Variants in SYCP2L observed in about 807,000 individuals in gnomAD.
SYCP2L encodes synaptonemal complex protein 2 like.
A neutral mutation model predicts 125.8 loss-of-function variants in SYCP2L; 98 were observed. The ratio of observed to expected loss-of-function variants is 0.78; its 90% CI spans 0.66 to 0.92. The LOEUF (loss-of-function observed/expected upper bound fraction) is 0.92. Ranked by LOEUF, SYCP2L falls within the 40% of genes least tolerant of loss-of-function variation. The probability of loss-of-function intolerance (pLI) is 0.00; values close to 1 mark genes in which losing one functional copy is unlikely to be tolerated. For missense variants in SYCP2L, 842 were observed against 936.4 expected, an observed-to-expected ratio of 0.90 and a Z score of 1.32; for synonymous variants, 317 against 325.4, an observed-to-expected ratio of 0.97 and a Z score of 0.28.
At chr6:10,916,832 A>G (rs555515822) in intron 14 of SYCP2L, among the ~76,000 whole-genome samples, 1 of 152,170 alleles carries the variant, frequency 6.6e-6, no homozygotes, top group Non-Finnish European at 1.5e-5. Context: ...TCTACTAAAA[A>G]TACAAAAAAA....
At chr6:10,896,098 A>G (rs1780253752) in intron 4 of SYCP2L, among the ~76,000 whole-genome samples, 1 of 152,180 alleles carries the variant, frequency 6.6e-6, no homozygotes. Flanking sequence ...GTGAGCCAAG[A>G]TGGTGTCACT....
intron 28 of SYCP2L, among the ~76,000 whole-genome samples, chr6:10,961,946 A>G (rs1263373513): frequency 6.6e-6 from 1 of 152,110 alleles, no homozygotes; most frequent in African/African-American, 2.4e-5. Flanking sequence ...ATTCTATTTT[A>G]CTCATTTACA....
At chr6:10,887,246 CGGGTGCT>C in intron 1 of SYCP2L, 111 bp downstream of exon 1, 4 of 1,457,974 alleles carry the variant, frequency 2.7e-6, no homozygotes, top group Non-Finnish European at 3.8e-6. Flanking sequence ...GCTCAGAGAC[CGGGTGCT>C]GGGCATAGTC....
intron 23 of SYCP2L, among the ~76,000 whole-genome samples, chr6:10,945,316 G>A (rs1036510623): frequency 3.3e-5 from 5 of 152,134 alleles, no homozygotes; most frequent in Non-Finnish European, 7.4e-5. Context: ...TCTTAACTAT[G>A]TCCTTCAAAT....
chr6:10,907,496 C>T (rs1425277735), intron 9 of SYCP2L, 46 bp from the exon 10 acceptor site: 13 of 1,552,002 alleles, frequency 8.4e-6, no homozygotes, highest in Admixed American at 6.0e-5. Context: ...TTTTCTTTTG[C>T]TTTGTGCCCA....
intron 10 of SYCP2L, among the ~76,000 whole-genome samples, chr6:10,909,214 C>T (rs1336278240): frequency 3.3e-5 from 5 of 149,770 alleles, no homozygotes; most frequent in African/African-American, 7.5e-5. Flanking sequence ...CTGCAACCCC[C>T]GCCTCCTGGG....
At chr6:10,906,772 A>C (rs1780503376) in intron 9 of SYCP2L, among the ~76,000 whole-genome samples, 1 of 151,280 alleles carries the variant, frequency 6.6e-6, no homozygotes, top group African/African-American at 2.4e-5. Context: ...TAATTTTTGT[A>C]TTTTTAGTAG....
At chr6:10,893,619 A>G (rs1465245657) in intron 2 of SYCP2L, among the ~76,000 whole-genome samples, 1 of 152,106 alleles carries the variant, frequency 6.6e-6, no homozygotes, top group African/African-American at 2.4e-5. Flanking sequence ...GAGTGCTAAG[A>G]AGTCCCCAGG....
intron 4 of SYCP2L, among the ~76,000 whole-genome samples, chr6:10,897,302 A>G (rs1780273600): frequency 6.6e-6 from 1 of 152,156 alleles, no homozygotes; most frequent in African/African-American, 2.4e-5. Flanking sequence ...AATCAAGAAT[A>G]CTTCTGAGAA....
intron 15 of SYCP2L, among the ~76,000 whole-genome samples, chr6:10,925,598 A>G (rs963531902): frequency 2.9e-4 from 44 of 152,232 alleles, no homozygotes; most frequent in Non-Finnish European, 5.6e-4. Context: ...CTCAGAGACC[A>G]GATAAGGAAG....
intron 9 of SYCP2L, among the ~76,000 whole-genome samples, chr6:10,906,356 T>G (rs1780487662): frequency 6.6e-6 from 1 of 152,142 alleles, no homozygotes; most frequent in African/African-American, 2.4e-5. Context: ...TCCATGTTCC[T>G]CATCCCATTT....
Position 10,887,068 on chromosome 6 carries a change from G to A in SYCP2L, c.-59G>A. The stretch of plus-strand genomic sequence containing the variant: ...CTCTTGGGCGGGGAAGCAGGAGAGG[G>A]CCGACCGAGCGCAACAAAGCTGAGC... On this transcript the variant is annotated 5_prime_UTR_variant, in exon 1 of 30. Coordinates refer to ENST00000283141, the MANE Select transcript of SYCP2L (RefSeq NM_001040274.3). The A allele has an allele frequency of 6.2e-7, 1 of 1,612,396 alleles. No homozygotes were observed. Among genetic ancestry groups the A allele is most frequent in the Non-Finnish European group, 8.5e-7 (1 of 1,178,984 alleles).
At chr6:10,916,243 C>T (rs1268333190) in intron 14 of SYCP2L, among the ~76,000 whole-genome samples, 1 of 152,076 alleles carries the variant, frequency 6.6e-6, no homozygotes, top group East Asian at 1.9e-4. Flanking sequence ...CATGGTCTAT[C>T]AGTTTTATTT....
At chr6:10,926,971 G>A (rs960855672) in intron 16 of SYCP2L, among the ~76,000 whole-genome samples, 4 of 152,048 alleles carry the variant, frequency 2.6e-5, no homozygotes, top group African/African-American at 9.7e-5. Flanking sequence ...AGCAGAGACG[G>A]GATTTTGCCA....
chr6:10,961,506 T>TG lies in SYCP2L; in HGVS notation c.2367dup (p.Lys790GlufsTer5), dbSNP rs1272068821. The TG allele has an allele frequency of 6.2e-7, 1 of 1,614,140 alleles. No homozygotes were observed. The highest frequency in any genetic ancestry group is 1.7e-5 in the Admixed American group (1 of 60,026). On this transcript the variant is annotated frameshift_variant, in exon 28 of 30. Transcript: ENST00000283141. LOFTEE classifies it high-confidence loss of function. ...AACTTTTGTTCAATCTTAGGAATTC[T>TG]GGGGGAAACAGTCTGCTGATCTGCA...
At chr6:10,967,357 G>A (rs1209306572) in intron 29 of SYCP2L, among the ~76,000 whole-genome samples, 2 of 151,582 alleles carry the variant, frequency 1.3e-5, no homozygotes, top group African/African-American at 4.9e-5. Context: ...ATCCTGAGAA[G>A]AAAATTATAG....
Position 10,902,547 on chromosome 6 carries a change from C to T in SYCP2L, c.467-130C>T, listed in dbSNP as rs936964517. 4.2e-6 allele frequency: 3 copies of T among 713,156 alleles called. No homozygotes were observed. The African/African-American group carries it at 5.4e-5, about 13-fold the overall frequency. 44.2% of individuals were successfully genotyped at this position (713,156 alleles called of 1,614,324 possible). Reference sequence around the variant, plus strand: ...CAATGCAACAGGATTGTAAGAGGCACAGCCTGCAAAGTGGGTTATATTGTA... The same window carrying T: ...CAATGCAACAGGATTGTAAGAGGCATAGCCTGCAAAGTGGGTTATATTGTA... On this transcript the variant is annotated intron_variant, in intron 6 of 29. Transcript: ENST00000283141.
At chr6:10,942,267 C>T (rs1010509731) in intron 21 of SYCP2L, among the ~76,000 whole-genome samples, 192 bp from the exon 22 acceptor site, 6 of 152,132 alleles carry the variant, frequency 3.9e-5, no homozygotes, top group African/African-American at 1.4e-4. Flanking sequence ...ACGTTGTGCA[C>T]ATGTACCCTA....
At position 10,891,605 on chromosome 6, in the gene SYCP2L, ATCTCTC is replaced by A. The variant is rs57417123; in HGVS notation, c.78+28_78+33del. 3.0e-5 allele frequency: 25 copies of A among 846,492 alleles called. 3 individuals are homozygous for A. Among genetic ancestry groups the A allele is most frequent in the Admixed American group, 5.8e-5 (2 of 34,712 alleles). 52.4% of individuals were successfully genotyped at this position (846,492 alleles called of 1,614,324 possible). ...GGGTAAAGATCAAGTTTCTTTTATA[ATCTCTC>A]TCTGTGTGTGTGTGTGTGTGTGTGT... is the stretch of plus-strand genomic sequence containing the variant. On this transcript the variant is annotated intron_variant, in intron 2 of 29. Transcript: ENST00000283141.
Sources: allele counts gnomAD v4.1 joint callset (sites outside exome capture counted in the v4.1 genomes callset), GRCh38; gene constraint gnomAD v4.1.1; transcripts MANE v1.5; gene names NCBI Gene and HGNC (gene_info 2026-07-23, HGNC 2026-07-21).